The following NEO1 variants were observed in gnomAD, a reference collection of about 807,000 sequenced individuals.
NEO1 encodes the protein neogenin 1.
A neutral mutation model predicts 159.7 loss-of-function variants in NEO1; 63 were observed. The ratio of observed to expected loss-of-function variants is 0.39; its 90% CI spans 0.32 to 0.49. The LOEUF (loss-of-function observed/expected upper bound fraction) is 0.49, where lower values mean the gene tolerates loss of function less well. Among genes scored for constraint, NEO1 ranks in the 20% least tolerant of loss-of-function variants. The pLI is 0.85. For missense variants in NEO1, 1,615 were observed against 1,831.0 expected (o/e 0.88, Z 2.15); for synonymous variants, 633 against 662.0 (o/e 0.96, Z 0.67).
chr15:73,292,509 G>C (rs2042198663), intron 25 of NEO1, among the ~76,000 whole-genome samples: 1 of 152,148 alleles, frequency 6.6e-6, no homozygotes, highest in South Asian at 2.1e-4. Flanking sequence ...CTCAGACTCT[G>C]GGCTTCTAAT....
chr15:73,055,619 A>G (rs989451612), intron 1 of NEO1, among the ~76,000 whole-genome samples: 1 of 152,058 alleles, frequency 6.6e-6, no homozygotes, highest in Non-Finnish European at 1.5e-5. Flanking sequence ...ACACTTTCTC[A>G]CTTGCCACTC....
At position 73,052,642 on chromosome 15, in the gene NEO1, G is replaced by C; in HGVS notation, c.-34G>C. On this transcript the variant is annotated 5_prime_UTR_variant, in exon 1 of 29. Coordinates refer to ENST00000261908, the MANE Select transcript of NEO1 (RefSeq NM_002499.4). ...AAGGAGGCAAGGGCTCCGCGGCGCT[G>C]TCGCCGCCGCTGCCGCTCACTCTCG... 2 of 1,235,846 alleles carry C rather than the reference G, an allele frequency of 1.6e-6. No homozygotes were observed. The highest frequency in any genetic ancestry group is 2.2e-5 in the South Asian group (1 of 44,718). The allele number at this position is 1,235,846 out of a possible 1,614,324, so 76.6% of individuals were successfully genotyped here.
In NEO1 at chr15:73,230,163, G is replaced by A. The variant is rs535699486; in HGVS notation, c.1292-6184G>A. 2.0e-5 allele frequency among the ~76,000 whole-genome samples: 3 copies of A among 152,240 alleles called. No individual in the cohort carries two copies. The South Asian group carries it at 6.2e-4, about 32-fold the overall frequency. On this transcript the variant is annotated intron_variant, in intron 7 of 28. Coordinates refer to ENST00000261908, the MANE Select transcript of NEO1 (RefSeq NM_002499.4). Reference sequence around the variant, plus strand: ...ATATTTGATAACATCCAGCAGTAAAGCCATTTGGACTTAGAATTTTCTTTG... The same window carrying A: ...ATATTTGATAACATCCAGCAGTAAAACCATTTGGACTTAGAATTTTCTTTG...
At chr15:73,259,842 A>G (rs567068579) in intron 14 of NEO1, among the ~76,000 whole-genome samples, 4 of 152,262 alleles carry the variant, frequency 2.6e-5, no homozygotes, top group Non-Finnish European at 5.9e-5. Context: ...TGCTATTGCT[A>G]TAATGTGATG....
chr15:73,298,403 A>G lies in NEO1; in HGVS notation c.3957A>G (p.Thr1319=), dbSNP rs763525031. The change falls in exon 27 of 29, where the codon ACA becomes ACG. Residue 1319 remains threonine, a synonymous_variant. Transcript: ENST00000261908. Reference sequence around the variant, plus strand: ...CCATGCCAGCCTCTTCGTCTCAAACATGCTGCACTGATCACCAGGACCCTG... The same window carrying G: ...CCATGCCAGCCTCTTCGTCTCAAACGTGCTGCACTGATCACCAGGACCCTG... ...TDTMPASSSQ[T]CCTDHQDPEG... 6.2e-7 allele frequency: 1 copy of G among 1,614,214 alleles called. No individual in the cohort carries two copies. Among genetic ancestry groups the G allele is most frequent in the Non-Finnish European group, 8.5e-7 (1 of 1,180,038 alleles).
At chr15:73,146,436 T>C (rs990917324) in intron 5 of NEO1, among the ~76,000 whole-genome samples, 5 of 152,192 alleles carry the variant, frequency 3.3e-5, no homozygotes, top group Non-Finnish European at 7.3e-5. Context: ...TTTATAAACT[T>C]TATATTTTTA....
intron 5 of NEO1, among the ~76,000 whole-genome samples, chr15:73,149,429 C>G (rs1200855925): frequency 1.3e-5 from 2 of 152,090 alleles, no homozygotes. Flanking sequence ...TCCAGTATCA[C>G]TGGAGATACA....
intron 5 of NEO1, among the ~76,000 whole-genome samples, chr15:73,139,896 G>T (rs2032212780): frequency 6.6e-6 from 1 of 152,122 alleles, no homozygotes; most frequent in Non-Finnish European, 1.5e-5. Context: ...TTACTGTCTG[G>T]CTCTTTACAG....
At chr15:73,220,601 A>G (rs571060207) in intron 7 of NEO1, among the ~76,000 whole-genome samples, 1 of 152,232 alleles carries the variant, frequency 6.6e-6, no homozygotes, top group South Asian at 2.1e-4. Context: ...ACATAGTCCC[A>G]TATTTCTTGG....
At chr15:73,131,820 T>G (rs560365218) in intron 4 of NEO1, among the ~76,000 whole-genome samples, 1 of 152,334 alleles carries the variant, frequency 6.6e-6, no homozygotes, top group South Asian at 2.1e-4. Context: ...GGCTCCATCC[T>G]CATCCTCCTC....
chr15:73,057,651 G>T (rs913407399), intron 1 of NEO1, among the ~76,000 whole-genome samples: 1 of 152,072 alleles, frequency 6.6e-6, no homozygotes, highest in Non-Finnish European at 1.5e-5. Flanking sequence ...AATGAAGAGA[G>T]TTTTTTTGAT....
intron 4 of NEO1, among the ~76,000 whole-genome samples, chr15:73,131,055 A>AC (rs1367718516): frequency 2.0e-5 from 3 of 151,878 alleles, no homozygotes; most frequent in Non-Finnish European, 2.9e-5. Context: ...ATGAGACAGC[A>AC]CCCCCCCACA....
chr15:73,296,771 C>T (rs1363663836), intron 26 of NEO1, among the ~76,000 whole-genome samples: 1 of 152,052 alleles, frequency 6.6e-6, no homozygotes, highest in Non-Finnish European at 1.5e-5. Context: ...GACTCAAGGG[C>T]AGGTAGTGTA....
intron 7 of NEO1, among the ~76,000 whole-genome samples, chr15:73,224,271 CTGATGACAGTGTGCTTAGGTGA>C (rs1161184661): frequency 1.3e-5 from 2 of 152,262 alleles, no homozygotes; most frequent in East Asian, 3.9e-4. Context: ...GTTAAGCACA[CTGATGACAGTGTGCTTAGGTGA>C]TGATCTTTTT....
intron 18 of NEO1, among the ~76,000 whole-genome samples, chr15:73,271,593 G>C (rs1373415762): frequency 6.6e-6 from 1 of 152,264 alleles, no homozygotes; most frequent in African/African-American, 2.4e-5. Context: ...TCTATTCTTT[G>C]AAGAAATAGG....
At chr15:73,149,343 A>T (rs2033188658) in intron 5 of NEO1, among the ~76,000 whole-genome samples, 1 of 151,676 alleles carries the variant, frequency 6.6e-6, no homozygotes. Context: ...TTCAGTGACC[A>T]TGTTAAAAGT....
chr15:73,111,854 T>C (rs2071011082), intron 1 of NEO1, among the ~76,000 whole-genome samples: 1 of 152,094 alleles, frequency 6.6e-6, no homozygotes, highest in Non-Finnish European at 1.5e-5. Flanking sequence ...AGACTGGTCT[T>C]GAACTCCTGG....
intron 23 of NEO1, among the ~76,000 whole-genome samples, chr15:73,286,641 A>G (rs1426287253): frequency 6.6e-6 from 1 of 152,334 alleles, no homozygotes; most frequent in Admixed American, 6.5e-5. Flanking sequence ...TGTCTCAGAG[A>G]CATTTCAAAT....
Position 73,222,574 on chromosome 15 carries a change from T to G in NEO1, c.1292-13773T>G, listed in dbSNP as rs141595939. ...TTCATAGTAGTCTTGAATGATCTTT[T>G]GTATTTCAGTGGTGTCAGTTTTAAT... is the stretch of plus-strand genomic sequence containing the variant. On this transcript the variant is annotated intron_variant, in intron 7 of 28. Coordinates refer to ENST00000261908, the MANE Select transcript of NEO1 (RefSeq NM_002499.4). 8.6e-3 allele frequency among the ~76,000 whole-genome samples: 1,302 copies of G among 152,260 alleles called. 22 individuals carry two copies. The highest frequency in any genetic ancestry group is 0.03 in the African/African-American group (1,230 of 41,534).
Sources: allele counts gnomAD v4.1 joint callset (sites outside exome capture counted in the v4.1 genomes callset), GRCh38; gene constraint gnomAD v4.1.1; transcripts MANE v1.5; gene names NCBI Gene and HGNC (gene_info 2026-07-23, HGNC 2026-07-21).